The following CADPS2 variants were observed in gnomAD, a reference collection of about 807,000 sequenced individuals.
The protein encoded by CADPS2 is calcium-dependent secretion activator 2.
In CADPS2, 93 loss-of-function variants were observed where a neutral mutation model predicts 172.5. The observed-to-expected ratio is 0.54, with a 90% CI of 0.46 to 0.64. The LOEUF (loss-of-function observed/expected upper bound fraction) is 0.64, where lower values mean the gene tolerates loss of function less well. Ranked by LOEUF, CADPS2 falls within the 30% of genes least tolerant of loss-of-function variation. CADPS2 has a pLI of 0.00. For missense variants in CADPS2, 1,420 were observed against 1,565.9 expected (o/e 0.91, Z 1.57); for synonymous variants, 546 against 555.2 (o/e 0.98, Z 0.23).
At chr7:122,762,942 G>A (rs2138812277) in intron 1 of CADPS2, among the ~76,000 whole-genome samples, 1 of 152,102 alleles carries the variant, frequency 6.6e-6, no homozygotes, top group Non-Finnish European at 1.5e-5. Flanking sequence ...CAGGGAAAAG[G>A]ACTCTGAAAA....
At position 122,886,022 on chromosome 7, in the gene CADPS2, C is replaced by A. The variant is rs1221386676; in HGVS notation, c.316G>T (p.Asp106Tyr). 6.2e-7 allele frequency: 1 copy of A among 1,608,176 alleles called. No individual in the cohort carries two copies. Among genetic ancestry groups the A allele is most frequent in the Non-Finnish European group, 8.5e-7 (1 of 1,177,728 alleles). ...AYPFNAKQPT[D>Y]MARRQQKLNK... ...ACCTTCTGCTGCCTCCGGGCCATGT[C>A]GGTGGGCTGCTTGGCGTTGAAGGGG... Residue 106 changes from aspartate to tyrosine, a missense_variant, in exon 1 of 30, where the codon GAC becomes TAC. Physicochemically the swap from Asp to Tyr is radical, Grantham distance 160. Coordinates refer to ENST00000449022, the MANE Select transcript of CADPS2 (RefSeq NM_017954.11).
At chr7:122,709,977 C>T (rs980904525) in intron 2 of CADPS2, among the ~76,000 whole-genome samples, 22 of 150,082 alleles carry the variant, frequency 1.5e-4, no homozygotes, top group African/African-American at 5.2e-4. Flanking sequence ...TTAATGGGTG[C>T]AGCACACCAG....
chr7:122,343,537 GA>G (rs1184262470), intron 28 of CADPS2, among the ~76,000 whole-genome samples: 3 of 152,142 alleles, frequency 2.0e-5, no homozygotes, highest in Non-Finnish European at 4.4e-5. Flanking sequence ...ACTTCAAGGA[GA>G]AAAAACTTCT....
At chr7:122,526,899 A>G (rs2061283702) in intron 8 of CADPS2, among the ~76,000 whole-genome samples, 1 of 152,138 alleles carries the variant, frequency 6.6e-6, no homozygotes, top group Admixed American at 6.5e-5. Flanking sequence ...TCACCACTCT[A>G]TCCTCATTGT....
chr7:122,872,824 A>G (rs1022466872), intron 1 of CADPS2, among the ~76,000 whole-genome samples: 1 of 152,152 alleles, frequency 6.6e-6, no homozygotes, highest in Non-Finnish European at 1.5e-5. Flanking sequence ...AAATTTAAAT[A>G]GGGTAACAAC....
chr7:122,683,855 C>T (rs945489970), intron 2 of CADPS2, among the ~76,000 whole-genome samples: 2 of 152,068 alleles, frequency 1.3e-5, no homozygotes, highest in African/African-American at 2.4e-5. Flanking sequence ...CCTCCCACAT[C>T]CCAAAGACAT....
At chr7:122,544,868 G>A (rs770846241) in intron 8 of CADPS2, among the ~76,000 whole-genome samples, 24 of 152,106 alleles carry the variant, frequency 1.6e-4, no homozygotes, top group Admixed American at 2.0e-4. Context: ...CCTACCATAC[G>A]TACAAATAAC....
chr7:122,743,440 C>G (rs1407044517), intron 1 of CADPS2, among the ~76,000 whole-genome samples: 1 of 152,114 alleles, frequency 6.6e-6, no homozygotes, highest in Admixed American at 6.5e-5. Flanking sequence ...ACCTAGCAAC[C>G]ATGGCTGCAT....
intron 1 of CADPS2, among the ~76,000 whole-genome samples, chr7:122,754,946 AT>A (rs1283208039): frequency 6.6e-6 from 1 of 152,158 alleles, no homozygotes; most frequent in Non-Finnish European, 1.5e-5. Flanking sequence ...GGAGAACTTA[AT>A]TTTTTTAATC....
At chr7:122,590,323 C>T (rs1016446100) in intron 6 of CADPS2, among the ~76,000 whole-genome samples, 6 of 151,892 alleles carry the variant, frequency 4.0e-5, no homozygotes, top group Non-Finnish European at 7.4e-5. Flanking sequence ...AACCCTCACA[C>T]ATATGGTCAA....
At chr7:122,652,386 T>A (rs1156461995) in intron 3 of CADPS2, among the ~76,000 whole-genome samples, 1 of 152,208 alleles carries the variant, frequency 6.6e-6, no homozygotes. Flanking sequence ...GTTGATTAAC[T>A]GGTACCACTT....
chr7:122,678,512 G>A (rs964784840), intron 2 of CADPS2, among the ~76,000 whole-genome samples: 1 of 152,208 alleles, frequency 6.6e-6, no homozygotes, highest in Non-Finnish European at 1.5e-5. Flanking sequence ...TGGTGGGCAA[G>A]GGTTTAGGAA....
At chr7:122,849,884 T>G in intron 1 of CADPS2, 1 of 579,164 alleles carries the variant, frequency 1.7e-6, no homozygotes, top group Non-Finnish European at 3.3e-6. Context: ...GGCCTCAGCT[T>G]TGGCCCCAGC....
At chr7:122,787,285 G>A (rs1794269329) in intron 1 of CADPS2, among the ~76,000 whole-genome samples, 1 of 152,142 alleles carries the variant, frequency 6.6e-6, no homozygotes, top group Middle Eastern at 3.2e-3. Flanking sequence ...TCATTTGACA[G>A]CAATGTAAAA....
intron 9 of CADPS2, among the ~76,000 whole-genome samples, chr7:122,504,745 T>TA (rs765229384): frequency 3.3e-5 from 5 of 152,002 alleles, no homozygotes; most frequent in African/African-American, 4.8e-5. Context: ...TAAAAAATAA[T>TA]ACAGACATGG....
intron 8 of CADPS2, among the ~76,000 whole-genome samples, chr7:122,549,647 T>TATC: frequency 6.6e-6 from 1 of 150,756 alleles, no homozygotes; most frequent in East Asian, 2.0e-4. Context: ...TATTAATTAA[T>TATC]ATTATTATTA....
chr7:122,805,220 C>T (rs1220766955), intron 1 of CADPS2, among the ~76,000 whole-genome samples: 1 of 152,148 alleles, frequency 6.6e-6, no homozygotes. Context: ...AGTGCAGTGG[C>T]ACTATCTCGG....
rs2069618641 is a variant in CADPS2, at chr7:122,585,983, TTC to T, written c.1224-4695_1224-4694del. Reference sequence around the variant, plus strand: ...ATTAAAAAGAGTCTAAGCAGAAACATTCATGACAGCATTATGTATAACAGTAA... The same window carrying T: ...ATTAAAAAGAGTCTAAGCAGAAACATATGACAGCATTATGTATAACAGTAA... On this transcript the variant is annotated intron_variant, in intron 6 of 29. Coordinates refer to ENST00000449022, the MANE Select transcript of CADPS2 (RefSeq NM_017954.11). Among the ~76,000 whole-genome samples, 3 of 152,080 alleles carry T rather than the reference TTC, an allele frequency of 2.0e-5. No individual in the cohort carries two copies. In the South Asian group the frequency reaches 6.2e-4, roughly 31 times the overall value.
At chr7:122,360,216 T>TG (rs2039952873) in intron 27 of CADPS2, among the ~76,000 whole-genome samples, 1 of 152,222 alleles carries the variant, frequency 6.6e-6, no homozygotes. Context: ...CACAACTTGT[T>TG]GGTTATGTTT....
Sources: allele counts gnomAD v4.1 joint callset (sites outside exome capture counted in the v4.1 genomes callset), GRCh38; gene constraint gnomAD v4.1.1; transcripts MANE v1.5; gene names NCBI Gene and HGNC (gene_info 2026-07-23, HGNC 2026-07-21).